GABRA2: variants seen among roughly 807,000 people sequenced by gnomAD.
GABRA2 encodes the protein gamma-aminobutyric acid type A receptor subunit alpha2, also known as gamma-aminobutyric acid receptor subunit alpha-2.
GABRA2 carries 16 observed loss-of-function variants against 48.7 expected under a neutral mutation model. The ratio of observed to expected loss-of-function variants is 0.33; its 90% CI spans 0.22 to 0.50. GABRA2 has a LOEUF of 0.50. Among genes scored for constraint, GABRA2 ranks in the 20% least tolerant of loss-of-function variants. The probability of loss-of-function intolerance (pLI) is 0.98; values close to 1 mark genes in which losing one functional copy is unlikely to be tolerated. For missense variants in GABRA2, 275 were observed against 535.6 expected, an observed-to-expected ratio of 0.51 and a Z score of 4.80; for synonymous variants, 185 against 184.5, an observed-to-expected ratio of 1.00 and a Z score of -0.02.
At chr4:46,377,416 G>T (rs1032153471) in intron 3 of GABRA2, among the ~76,000 whole-genome samples, 2 of 151,048 alleles carry the variant, frequency 1.3e-5, no homozygotes, top group African/African-American at 4.9e-5. Flanking sequence ...GAGCGTCTCT[G>T]CCCAGCCGCC....
At chr4:46,347,429 A>G (rs1053552505) in intron 3 of GABRA2, among the ~76,000 whole-genome samples, 1 of 151,984 alleles carries the variant, frequency 6.6e-6, no homozygotes, top group Non-Finnish European at 1.5e-5. Flanking sequence ...AAAGCACAGA[A>G]ATAAACCCAC....
chr4:46,275,760 C>T (rs184269149), intron 8 of GABRA2, among the ~76,000 whole-genome samples: 14 of 152,048 alleles, frequency 9.2e-5, no homozygotes, highest in Non-Finnish European at 1.6e-4. Flanking sequence ...TCTTATAGCT[C>T]CTTGAGGTGA....
chr4:46,284,556 A>G (rs1291507014), intron 8 of GABRA2, among the ~76,000 whole-genome samples: 2 of 152,220 alleles, frequency 1.3e-5, no homozygotes, highest in Non-Finnish European at 2.9e-5. Flanking sequence ...TTTGAAAGAA[A>G]TCAGGCTGGC....
intron 3 of GABRA2, among the ~76,000 whole-genome samples, chr4:46,344,456 G>A (rs762355839): frequency 6.6e-5 from 10 of 151,908 alleles, no homozygotes; most frequent in Admixed American, 1.3e-4. Context: ...TGTTCAAAAA[G>A]CCGTGAGAAA....
intron 3 of GABRA2, among the ~76,000 whole-genome samples, chr4:46,337,739 G>T (rs533268766): frequency 6.6e-6 from 1 of 151,732 alleles, no homozygotes; most frequent in Non-Finnish European, 1.5e-5. Flanking sequence ...TGCAGGGATA[G>T]GCCCTTTGGT....
chr4:46,382,286 A>G (rs555444620), intron 3 of GABRA2, among the ~76,000 whole-genome samples: 43 of 151,916 alleles, frequency 2.8e-4, no homozygotes, highest in Non-Finnish European at 5.4e-4. Context: ...GACAGGTTGG[A>G]GTTTCATTAA....
chr4:46,322,739 T>C (rs1213596568), intron 4 of GABRA2, among the ~76,000 whole-genome samples: 1 of 151,994 alleles, frequency 6.6e-6, no homozygotes. Context: ...GGGGAGTCAT[T>C]GTAAATTTAA....
chr4:46,279,920 G>A (rs148326706), intron 8 of GABRA2, among the ~76,000 whole-genome samples: 1 of 151,954 alleles, frequency 6.6e-6, no homozygotes, highest in Admixed American at 6.6e-5. Flanking sequence ...TATATAAGTA[G>A]TACTTATAGA....
At chr4:46,333,306 T>C (rs1011944286) in intron 3 of GABRA2, among the ~76,000 whole-genome samples, 6 of 152,104 alleles carry the variant, frequency 3.9e-5, no homozygotes, top group Non-Finnish European at 8.8e-5. Flanking sequence ...AATTGGATTC[T>C]AAAATTATGT....
At chr4:46,290,669 G>A (rs1723456991) in intron 8 of GABRA2, among the ~76,000 whole-genome samples, 1 of 151,796 alleles carries the variant, frequency 6.6e-6, no homozygotes, top group South Asian at 2.1e-4. Flanking sequence ...TTTTTACTTT[G>A]GTTTATTTTG....
intron 9 of GABRA2, among the ~76,000 whole-genome samples, chr4:46,257,054 T>C (rs1715982065): frequency 6.6e-6 from 1 of 151,666 alleles, no homozygotes; most frequent in Non-Finnish European, 1.5e-5. Flanking sequence ...TACTAAATAC[T>C]GTGCTAAGTA....
Position 46,291,659 on chromosome 4 carries a change from C to A in GABRA2, c.856+11801G>T, listed in dbSNP as rs555009111. On this transcript the variant is annotated intron_variant, in intron 8 of 9. Coordinates refer to ENST00000381620, the MANE Select transcript of GABRA2 (RefSeq NM_000807.4). ...ACTGTCTGCCCTCAAATTTCGCACC[C>A]CAAGTTCTTCAGCTTTGGGTCTCAG... Among the ~76,000 whole-genome samples the A allele has an allele frequency of 5.9e-5, 9 of 152,048 alleles. No homozygotes were observed. In the South Asian group the frequency reaches 1.9e-3, roughly 32 times the overall value.
chr4:46,250,814 T>G (rs1577744627), intron 9 of GABRA2, among the ~76,000 whole-genome samples: 1 of 151,592 alleles, frequency 6.6e-6, no homozygotes, highest in Non-Finnish European at 1.5e-5. Context: ...TGGTACCACT[T>G]TCTTGAGGAA....
intron 3 of GABRA2, among the ~76,000 whole-genome samples, chr4:46,342,319 G>T (rs1209788700): frequency 3.3e-5 from 5 of 152,030 alleles, no homozygotes; most frequent in African/African-American, 1.2e-4. Context: ...TGCAGGAGCA[G>T]ATTTTTGGAG....
At position 46,256,317 on chromosome 4, in the gene GABRA2, G is replaced by T. The variant is rs959328938; in HGVS notation, c.1059+5609C>A. ...GACCATATTAGCTTAGCTCCTTGAA[G>T]AATTGCTTTCACTGAGTTGTATGTT... On this transcript the variant is annotated intron_variant, in intron 9 of 9. Coordinates refer to ENST00000381620, the MANE Select transcript of GABRA2 (RefSeq NM_000807.4). The T allele has an allele frequency of 1.4e-6, 1 of 693,992 alleles. No homozygotes were observed. Among genetic ancestry groups the T allele is most frequent in the Non-Finnish European group, 2.6e-6 (1 of 380,092 alleles). 43.0% of individuals were successfully genotyped at this position (693,992 alleles called of 1,614,324 possible). A position where few individuals can be genotyped will look rare whatever the true frequency, so the allele number is the denominator to read the frequency against.
chr4:46,303,299 T>C (rs1726070891), intron 8 of GABRA2, 161 bp downstream of exon 8: 1 of 658,634 alleles, frequency 1.5e-6, no homozygotes, highest in Non-Finnish European at 2.7e-6. Context: ...AGTGTAGCAC[T>C]ATGTTACCAC....
intron 4 of GABRA2, among the ~76,000 whole-genome samples, chr4:46,331,174 A>T (rs921690185): frequency 6.6e-6 from 1 of 152,206 alleles, no homozygotes; most frequent in Non-Finnish European, 1.5e-5. Context: ...CCTAAGACCC[A>T]GAGTTGAAGG....
In GABRA2 at chr4:46,247,920, C is replaced by G. The variant is rs1402352723; in HGVS notation, c.*2388G>C. On this transcript the variant is annotated 3_prime_UTR_variant, in exon 10 of 10. Coordinates refer to ENST00000381620, the MANE Select transcript of GABRA2 (RefSeq NM_000807.4). ...AAGAAATAACAAAGAATTCTGATCC[C>G]TAGCACTGAAAAATCTGAACTGCCA... is the stretch of plus-strand genomic sequence containing the variant. Among the ~76,000 whole-genome samples, 2 of 151,092 alleles carry G rather than the reference C, an allele frequency of 1.3e-5. No homozygotes were observed. Among genetic ancestry groups the G allele is most frequent in the Admixed American group, 1.3e-4 (2 of 15,102 alleles).
intron 3 of GABRA2, 41 bp downstream of exon 3, chr4:46,386,033 A>G (rs201075932): frequency 1.2e-5 from 15 of 1,215,186 alleles, no homozygotes; most frequent in Non-Finnish European, 1.6e-5. Context: ...TTTTAAAGGC[A>G]TTATTTTACG....
Sources: gnomAD v4.1 joint callset for allele counts (sites outside exome capture counted in the v4.1 genomes callset) on GRCh38, gnomAD v4.1.1 for gene constraint, MANE v1.5 for transcripts, NCBI Gene and HGNC (gene_info 2026-07-23, HGNC 2026-07-21) for gene names.